Variants in CYP11B1 observed in about 807,000 individuals in gnomAD.
The protein encoded by CYP11B1 is cytochrome P450 11B1, mitochondrial.
A neutral mutation model predicts 48.3 loss-of-function variants in CYP11B1; 34 were observed. The ratio of observed to expected loss-of-function variants is 0.70; its 90% CI spans 0.54 to 0.94. The LOEUF (loss-of-function observed/expected upper bound fraction) is 0.94. Among genes scored for constraint, CYP11B1 ranks in the 40% least tolerant of loss-of-function variants. The probability of loss-of-function intolerance (pLI) is 0.00; values close to 1 mark genes in which losing one functional copy is unlikely to be tolerated. For missense variants in CYP11B1, 688 were observed against 657.4 expected (o/e 1.05, Z -0.51); for synonymous variants, 291 against 262.5 (o/e 1.11, Z -1.05).
rs765894233 is a variant in CYP11B1, at chr8:142,876,726, A to G, written c.755T>C (p.Val252Ala). Residue 252 changes from valine (V) to alanine (A), a missense_variant, in exon 4 of 9, where the codon GTG (valine) becomes GCG (alanine). By Grantham distance (64) the Val-to-Ala change is moderately conservative. Transcript: ENST00000292427. The part of the protein sequence containing the change: ...RSLSRWTSPK[V>A]WKEHFEAWDC... ...CCAGGCCTCAAAGTGCTCCTTCCAC[A>G]CCTTGGGGCTGGTCCAGCGAGACAG... is the stretch of plus-strand genomic sequence containing the variant. 6 of 1,613,816 alleles carry G rather than the reference A, an allele frequency of 3.7e-6. No homozygotes were observed. The highest frequency in any genetic ancestry group is 3.3e-5 in the South Asian group (3 of 90,982).
At chr8:142,878,379 T>C (rs192696453) in intron 2 of CYP11B1, among the ~76,000 whole-genome samples, 2 of 152,262 alleles carry the variant, frequency 1.3e-5, no homozygotes, top group Non-Finnish European at 2.9e-5. Context: ...CCCGTCCTAA[T>C]GACAACATTC....
At chr8:142,878,587 G>T (rs1467055625) in intron 2 of CYP11B1, among the ~76,000 whole-genome samples, 1 of 152,348 alleles carries the variant, frequency 6.6e-6, no homozygotes, top group African/African-American at 2.4e-5. Context: ...AGGAAGGTTT[G>T]CCAGGACTGC....
intron 8 of CYP11B1, 108 bp from the exon 9 acceptor site, chr8:142,874,594 A>G: frequency 1.2e-6 from 1 of 817,670 alleles, no homozygotes; most frequent in Non-Finnish European, 2.1e-6. Context: ...GGGGAACAGC[A>G]GCCTGGCCTC....
rs1315957590 is a variant in CYP11B1, at chr8:142,875,239, C to G, written c.1195G>C (p.Ala399Pro). The stretch of plus-strand genomic sequence containing the variant: ...GGGGTGTGGGGCTCACTCACCCCAG[C>G]TGGGATGTGGTAGTTCTGAAGCACC... ...DLVLQNYHIP[A>P]GTLVRVFLYS... is the part of the protein sequence containing the mutation. The change falls in exon 7 of 9, where the codon GCT (alanine) becomes CCT (proline). Residue 399 changes from alanine to proline, a missense_variant. Transcript: ENST00000292427. 8 of 1,613,948 alleles carry G rather than the reference C, an allele frequency of 5.0e-6. No homozygotes were observed. The Admixed American group carries it at 1.3e-4, about 27-fold the overall frequency.
chr8:142,879,008 C>T, intron 2 of CYP11B1, 24 bp downstream of exon 2: 1 of 1,613,726 alleles, frequency 6.2e-7, no homozygotes, highest in Non-Finnish European at 8.5e-7. Context: ...CCACCCTGCT[C>T]CCAGCTCTCA....
rs147788769 is a variant in CYP11B1, at chr8:142,879,736, C to T, written c.78G>A (p.Thr26=). The T allele has an allele frequency of 2.0e-5, 33 of 1,614,122 alleles. No homozygotes were observed. The African/African-American group carries it at 2.4e-4, about 12-fold the overall frequency. ...CTGTCCTGGGGACCCGGGCGGCTCT[C>T]GTGCCCAGTGCCTGTGCCCTTTGCA... is the stretch of plus-strand genomic sequence containing the variant. ...LSLQRAQALG[T]RAARVPRTVL... The change falls in exon 1 of 9, where the codon ACG becomes ACA. Residue 26 remains threonine (T), a synonymous_variant. Coordinates refer to ENST00000292427, the MANE Select transcript of CYP11B1 (RefSeq NM_000497.4).
chr8:142,879,822 TC>T lies in CYP11B1; in HGVS notation c.-10del, dbSNP rs747743740. 11 of 1,612,146 alleles carry T rather than the reference TC, an allele frequency of 6.8e-6. No homozygotes were observed. On this transcript the variant is annotated 5_prime_UTR_variant, in exon 1 of 9. Coordinates refer to ENST00000292427, the MANE Select transcript of CYP11B1 (RefSeq NM_000497.4). ...TTTGCCCTGAGTGCCATTCCAATGCTCCCTCCACCCTGTTCAGCTGCAATCC... is the reference window on the plus strand; with the variant it reads ...TTTGCCCTGAGTGCCATTCCAATGCTCCTCCACCCTGTTCAGCTGCAATCC...
At chr8:142,874,817 G>A in intron 8 of CYP11B1, 140 bp downstream of exon 8, 2 of 1,086,876 alleles carry the variant, frequency 1.8e-6, no homozygotes, top group African/African-American at 1.6e-5. Context: ...CCTGGCCCAG[G>A]TTCTCCCAGT....
Position 142,879,017 on chromosome 8 carries a change from C to A in CYP11B1, c.395+15G>T, listed in dbSNP as rs780016868. On this transcript the variant is annotated intron_variant, in intron 2 of 8. Transcript: ENST00000292427. ...GGCTGCCCACCCTGCTCCCAGCTCT[C>A]AGCTCGCCGCTTACAGCAAGAACAC... The A allele has an allele frequency of 1.2e-6, 2 of 1,614,038 alleles. No homozygotes were observed.
At chr8:142,875,932 G>A (rs1256714117) in intron 5 of CYP11B1, 54 bp from the exon 6 acceptor site, 8 of 1,608,000 alleles carry the variant, frequency 5.0e-6, no homozygotes, top group East Asian at 2.2e-5. Context: ...CTCAGCCCCC[G>A]GGACACCCCT....
intron 3 of CYP11B1, 62 bp downstream of exon 3, chr8:142,876,961 C>G: frequency 6.2e-7 from 1 of 1,609,590 alleles, no homozygotes; most frequent in Non-Finnish European, 8.5e-7. Flanking sequence ...CCTTCAGTCC[C>G]CCATCCCCGT....
rs774530889 is a variant in CYP11B1 at position 142,877,215 on chromosome 8, G to T, written c.403C>A (p.Pro135Thr). 1.1e-5 allele frequency: 17 copies of T among 1,612,358 alleles called. No individual in the cohort carries two copies. The Middle Eastern group carries it at 8.3e-4, about 78-fold the overall frequency. The stretch of plus-strand genomic sequence containing the variant: ...CGCAATCGGTTGAAGCGCCATTCAG[G>T]CCCATTCCTACAGAGGCCAGGGCAG... The part of the protein sequence containing the change: ...HKCGVFLLNG[P>T]EWRFNRLRLN... Residue 135 changes from proline (P) to threonine (T), a missense_variant, in exon 3 of 9, where the codon CCT (proline) becomes ACT (threonine). Physicochemically the swap from Pro to Thr is conservative, Grantham distance 38. Transcript: ENST00000292427.
chr8:142,878,098 T>C (rs547528471), intron 2 of CYP11B1, among the ~76,000 whole-genome samples: 2 of 152,092 alleles, frequency 1.3e-5, no homozygotes, highest in South Asian at 4.2e-4. Context: ...CACGTGCAAA[T>C]GCAGGTACAG....
intron 6 of CYP11B1, 40 bp from the exon 7 acceptor site, chr8:142,875,352 A>G (rs774884519): frequency 1.6e-5 from 26 of 1,580,342 alleles, no homozygotes; most frequent in Middle Eastern, 2.1e-4. Flanking sequence ...CCTCAGCTGG[A>G]TGGGGCTTCC....
In CYP11B1 at chr8:142,874,033, G is replaced by T; in HGVS notation, c.*340C>A. 2.5e-6 allele frequency: 1 copy of T among 402,668 alleles called. No individual in the cohort carries two copies. Among genetic ancestry groups the T allele is most frequent in the Non-Finnish European group, 4.7e-6 (1 of 212,832 alleles). 24.9% of individuals were successfully genotyped at this position (402,668 alleles called of 1,614,324 possible). ...ATGTGAGACTAGGCAGGAAGGCAAG[G>T]GACAAAACCACAGCACCCTTGTATG... is the stretch of plus-strand genomic sequence containing the variant. On this transcript the variant is annotated 3_prime_UTR_variant, in exon 9 of 9. Coordinates refer to ENST00000292427, the MANE Select transcript of CYP11B1 (RefSeq NM_000497.4).
In CYP11B1 at chr8:142,876,415, C is replaced by A; in HGVS notation, c.800-20G>T. 1 of 1,609,424 alleles carries A rather than the reference C, an allele frequency of 6.2e-7. No homozygotes were observed. Among genetic ancestry groups the A allele is most frequent in the Non-Finnish European group, 8.5e-7 (1 of 1,177,702 alleles). On this transcript the variant is annotated intron_variant, in intron 4 of 8. Coordinates refer to ENST00000292427, the MANE Select transcript of CYP11B1 (RefSeq NM_000497.4). The stretch of plus-strand genomic sequence containing the variant: ...TGTCGCCTATCCGGGGAGCGGGAGG[C>A]AGCCCTCAGACTTTGGTGCTGGGAG...
chr8:142,875,217 G>T lies in CYP11B1; in HGVS notation c.1200+17C>A, dbSNP rs1397019577. On this transcript the variant is annotated intron_variant, in intron 7 of 8. Transcript: ENST00000292427. ...GGGAGGGAGGTTCTCAGCTCGAGGG[G>T]TGTGGGGCTCACTCACCCCAGCTGG... 2 of 1,614,020 alleles carry T rather than the reference G, an allele frequency of 1.2e-6. No homozygotes were observed. Among genetic ancestry groups the T allele is most frequent in the African/African-American group, 1.3e-5 (1 of 74,936 alleles).
chr8:142,879,526 C>T (rs1817078314), intron 1 of CYP11B1, 49 bp downstream of exon 1: 1 of 1,614,186 alleles, frequency 6.2e-7, no homozygotes. Flanking sequence ...TCCTGGGCAG[C>T]AAGGGCAGGG....
In CYP11B1 at chr8:142,874,217, G is replaced by A; in HGVS notation, c.*156C>T. ...TTGCTGCTTAGCCTGGCAAACCCTG[G>A]TCCTAGAGGCCCTCGGGAGTTCCAT... is the stretch of plus-strand genomic sequence containing the variant. On this transcript the variant is annotated 3_prime_UTR_variant, in exon 9 of 9. Coordinates refer to ENST00000292427, the MANE Select transcript of CYP11B1 (RefSeq NM_000497.4). The A allele has an allele frequency of 4.4e-6, 3 of 684,392 alleles. No individual in the cohort carries two copies. The highest frequency in any genetic ancestry group is 1.6e-5 in the South Asian group (1 of 62,386). The allele number at this position is 684,392 out of a possible 1,614,324, so 42.4% of individuals were successfully genotyped here. A position where few individuals can be genotyped will look rare whatever the true frequency, so the allele number is the denominator to read the frequency against.
Sources: gnomAD v4.1 joint callset for allele counts (sites outside exome capture counted in the v4.1 genomes callset) on GRCh38, gnomAD v4.1.1 for gene constraint, MANE v1.5 for transcripts, NCBI Gene and HGNC (gene_info 2026-07-23, HGNC 2026-07-21) for gene names.